The following TRHDE variants were observed in gnomAD, a reference collection of about 807,000 sequenced individuals.
The protein encoded by TRHDE is thyrotropin-releasing hormone-degrading ectoenzyme.
A neutral mutation model predicts 125.7 loss-of-function variants in TRHDE; 72 were observed. That is an observed-to-expected ratio of 0.57 (90% CI 0.47 to 0.70). TRHDE has a LOEUF of 0.70. Ranked by LOEUF, TRHDE falls within the 30% of genes least tolerant of loss-of-function variation. The pLI, the probability that TRHDE is intolerant of heterozygous loss-of-function variation, is 0.00. For synonymous variants in TRHDE, 509 were observed against 509.1 expected (o/e 1.00, Z 0.00); for missense variants, 1,110 against 1,327.1 (o/e 0.84, Z 2.54).
At chr12:72,410,677 A>C (rs538823897) in intron 3 of TRHDE, among the ~76,000 whole-genome samples, 2 of 152,284 alleles carry the variant, frequency 1.3e-5, no homozygotes, top group African/African-American at 4.8e-5. Flanking sequence ...TTCATGACAA[A>C]ACTTAGCAAA....
intron 2 of TRHDE, among the ~76,000 whole-genome samples, chr12:72,370,524 A>G (rs1392842282): frequency 6.6e-5 from 10 of 152,116 alleles, no homozygotes; most frequent in Non-Finnish European, 2.9e-5. Context: ...TGTGTAATAT[A>G]TTTTGTAGCT....
upstream of TRHDE, chr12:72,271,698 A>G: frequency 2.9e-6 from 1 of 346,468 alleles, no homozygotes; most frequent in South Asian, 2.2e-5. Context: ...AGCCCTGGCA[A>G]TCTAAACCCG....
chr12:72,138,788 A>G (rs1473576046), intron 2 of TRHDE, among the ~76,000 whole-genome samples: 1 of 152,174 alleles, frequency 6.6e-6, no homozygotes, highest in Non-Finnish European at 1.5e-5. Flanking sequence ...CAGAAGTGAC[A>G]CTCATCAGTG....
intron 15 of TRHDE, among the ~76,000 whole-genome samples, chr12:72,648,924 T>C (rs1874391034): frequency 6.6e-6 from 1 of 152,124 alleles, no homozygotes; most frequent in Non-Finnish European, 1.5e-5. Context: ...GAAAGCCATC[T>C]GATGTTCATG....
chr12:72,611,445 C>T (rs941052038), intron 12 of TRHDE: 6 of 152,098 alleles, frequency 3.9e-5, no homozygotes, highest in African/African-American at 1.4e-4. Context: ...AAGAGAAGCA[C>T]CAGAGGGTGA....
chr12:72,540,091 T>C (rs909809005), intron 6 of TRHDE, among the ~76,000 whole-genome samples: 6 of 151,640 alleles, frequency 4.0e-5, no homozygotes, highest in African/African-American at 1.5e-4. Flanking sequence ...AGTATGTGCT[T>C]AGTATATGTT....
intron 2 of TRHDE, among the ~76,000 whole-genome samples, chr12:72,315,181 A>G (rs971857741): frequency 2.0e-5 from 3 of 152,196 alleles, no homozygotes; most frequent in African/African-American, 7.2e-5. Context: ...ACTCATTTCT[A>G]GTTTTTCTCA....
Position 72,612,199 on chromosome 12 carries a change from C to A in TRHDE, c.2322-6692C>A, listed in dbSNP as rs1200681089. Among the ~76,000 whole-genome samples the A allele has an allele frequency of 2.6e-5, 4 of 152,172 alleles. No individual in the cohort carries two copies. In the East Asian group the frequency reaches 7.7e-4, roughly 29 times the overall value. On this transcript the variant is annotated intron_variant, in intron 12 of 18. Coordinates refer to ENST00000261180, the MANE Select transcript of TRHDE (RefSeq NM_013381.3). Reference sequence around the variant, plus strand: ...ACTTGTTGCTTCCTCAGTCAGAATTCTTCTCCCTCTAGAATCTGTCAACCT... The same window carrying A: ...ACTTGTTGCTTCCTCAGTCAGAATTATTCTCCCTCTAGAATCTGTCAACCT...
intron 3 of TRHDE, among the ~76,000 whole-genome samples, chr12:72,401,471 G>C (rs1372743630): frequency 6.6e-6 from 1 of 152,170 alleles, no homozygotes; most frequent in Admixed American, 6.5e-5. Flanking sequence ...ATGCACTCCA[G>C]AGCCAGCAAC....
intron 10 of TRHDE, among the ~76,000 whole-genome samples, chr12:72,571,091 AT>A (rs74408847): frequency 0.27 from 40,490 of 151,924 alleles, 8,133 homozygotes; most frequent in African/African-American, 0.54. Flanking sequence ...ATTGTATTAA[AT>A]TTTTTTTATG....
chr12:72,347,531 A>G (rs1283798374), intron 2 of TRHDE, among the ~76,000 whole-genome samples: 1 of 152,028 alleles, frequency 6.6e-6, no homozygotes, highest in Non-Finnish European at 1.5e-5. Flanking sequence ...TGAGGCTGCA[A>G]TCAAGGTATT....
At chr12:72,519,088 T>G (rs572276294) in intron 6 of TRHDE, among the ~76,000 whole-genome samples, 2 of 152,178 alleles carry the variant, frequency 1.3e-5, no homozygotes, top group Non-Finnish European at 2.9e-5. Flanking sequence ...ATTTTTTCCT[T>G]CATTTCAACT....
chr12:72,438,599 C>T (rs1012627921), intron 3 of TRHDE, among the ~76,000 whole-genome samples: 1 of 151,654 alleles, frequency 6.6e-6, no homozygotes, highest in Non-Finnish European at 1.5e-5. Flanking sequence ...GTTTTGCTTT[C>T]ATCAGATTTT....
At chr12:72,505,987 A>T (rs1401673951) in intron 6 of TRHDE, among the ~76,000 whole-genome samples, 2 of 152,170 alleles carry the variant, frequency 1.3e-5, no homozygotes, top group African/African-American at 2.4e-5. Flanking sequence ...GGGGGAAAAA[A>T]GATGATGCCT....
At chr12:72,524,690 C>T (rs117972067) in intron 6 of TRHDE, among the ~76,000 whole-genome samples, 384 of 152,180 alleles carry the variant, frequency 2.5e-3, no homozygotes, top group Admixed American at 7.2e-3. Flanking sequence ...GCCTCTTATG[C>T]GAGCCCATCC....
intron 2 of TRHDE, among the ~76,000 whole-genome samples, chr12:72,160,267 G>T (rs754308734): frequency 2.6e-5 from 4 of 152,146 alleles, no homozygotes; most frequent in African/African-American, 9.7e-5. Flanking sequence ...GGCTCTCAAA[G>T]TGTGGTCCAC....
chr12:72,593,206 C>T (rs1871769739), intron 12 of TRHDE, among the ~76,000 whole-genome samples: 1 of 152,156 alleles, frequency 6.6e-6, no homozygotes, highest in Admixed American at 6.5e-5. Context: ...TTTGCTGTCA[C>T]TATGCCACTA....
chr12:72,136,375 C>T (rs113012736), intron 2 of TRHDE, among the ~76,000 whole-genome samples: 38 of 152,218 alleles, frequency 2.5e-4, no homozygotes, highest in African/African-American at 7.0e-4. Context: ...TCATAGACTC[C>T]GTAATTTACA....
At chr12:72,598,670 A>C (rs1872081160) in intron 12 of TRHDE, among the ~76,000 whole-genome samples, 3 of 152,132 alleles carry the variant, frequency 2.0e-5, no homozygotes, top group Non-Finnish European at 1.5e-5. Flanking sequence ...TTTATTAATT[A>C]GATTTTGGTT....
Sources: allele counts gnomAD v4.1 joint callset (sites outside exome capture counted in the v4.1 genomes callset), GRCh38; gene constraint gnomAD v4.1.1; transcripts MANE v1.5; gene names NCBI Gene and HGNC (gene_info 2026-07-23, HGNC 2026-07-21).